Variants in TRAPPC9 observed in about 807,000 individuals in gnomAD.
The protein encoded by TRAPPC9 is IKK2 binding protein.
A neutral mutation model predicts 124.0 loss-of-function variants in TRAPPC9; 83 were observed. That is an observed-to-expected ratio of 0.67 (90% confidence interval 0.56 to 0.80). The LOEUF (loss-of-function observed/expected upper bound fraction) is 0.80, where lower values mean the gene tolerates loss of function less well. Among genes scored for constraint, TRAPPC9 ranks in the 30% least tolerant of loss-of-function variants. The probability of loss-of-function intolerance (pLI) is 0.00; values close to 1 mark genes in which losing one functional copy is unlikely to be tolerated. For synonymous variants in TRAPPC9, 638 were observed against 617.5 expected, an observed-to-expected ratio of 1.03 and a Z score of -0.49; for missense variants, 1,302 against 1,508.3, an observed-to-expected ratio of 0.86 and a Z score of 2.27.
chr8:139,792,303 C>T (rs1226443745), intron 21 of TRAPPC9, among the ~76,000 whole-genome samples: 1 of 152,128 alleles, frequency 6.6e-6, no homozygotes, highest in African/African-American at 2.4e-5. Flanking sequence ...AAGTGGCATG[C>T]TGAGGGTGGA....
rs776226146 is a variant in TRAPPC9 at position 139,731,031 on chromosome 8, C to T, written c.*30G>A. On this transcript the variant is annotated 3_prime_UTR_variant, in exon 23 of 23. Coordinates refer to ENST00000438773, the MANE Select transcript of TRAPPC9 (RefSeq NM_001160372.4). ...AGGCCAGGCAGGGTCACCTCTGGCC[C>T]TGCAGAAAGAGGGACGGAAGTAGGC... The T allele has an allele frequency of 6.2e-7, 1 of 1,609,826 alleles. No individual in the cohort carries two copies. The highest frequency in any genetic ancestry group is 1.1e-5 in the South Asian group (1 of 90,842).
chr8:140,436,029 ATT>A (rs1210679186), intron 3 of TRAPPC9, among the ~76,000 whole-genome samples: 1 of 152,210 alleles, frequency 6.6e-6, no homozygotes, highest in Non-Finnish European at 1.5e-5. Context: ...TGAGAAAAGG[ATT>A]TAAGTATTTA....
rs199709598 is a variant in TRAPPC9, at chr8:140,027,722, TG to T, written c.2557-3644del. Among the ~76,000 whole-genome samples, 26 of 152,304 alleles carry T rather than the reference TG, an allele frequency of 1.7e-4. No homozygotes were observed. In the East Asian group the frequency reaches 5.0e-3, roughly 29 times the overall value. On this transcript the variant is annotated intron_variant, in intron 17 of 22. Coordinates refer to ENST00000438773, the MANE Select transcript of TRAPPC9 (RefSeq NM_001160372.4). ...AATTTATAAAGAAAAGAGGTTTAAT[TG>T]ACTCACAGTTCCACACAGCTGGGTA...
At chr8:139,895,247 G>A (rs539641703) in intron 20 of TRAPPC9, among the ~76,000 whole-genome samples, 14 of 152,352 alleles carry the variant, frequency 9.2e-5, no homozygotes, top group Non-Finnish European at 1.8e-4. Context: ...ACACAGGCAT[G>A]CTCCCGCTTT....
At chr8:140,355,557 C>T (rs990860874) in intron 9 of TRAPPC9, among the ~76,000 whole-genome samples, 1 of 152,046 alleles carries the variant, frequency 6.6e-6, no homozygotes, top group Admixed American at 6.6e-5. Flanking sequence ...TCTGGTAGAC[C>T]TTAAAAAGAG....
At chr8:140,043,573 T>C (rs1281892084) in intron 17 of TRAPPC9, among the ~76,000 whole-genome samples, 1 of 152,134 alleles carries the variant, frequency 6.6e-6, no homozygotes, top group Non-Finnish European at 1.5e-5. Flanking sequence ...GTCATAACTC[T>C]TGAGATCCAT....
At chr8:139,973,024 G>A (rs1428854405) in intron 19 of TRAPPC9, among the ~76,000 whole-genome samples, 1 of 152,224 alleles carries the variant, frequency 6.6e-6, no homozygotes, top group Admixed American at 6.5e-5. Flanking sequence ...CCATGGACTA[G>A]GGGGAGGAGG....
chr8:139,944,084 A>G (rs374283846), intron 19 of TRAPPC9, among the ~76,000 whole-genome samples: 17 of 152,234 alleles, frequency 1.1e-4, no homozygotes, highest in African/African-American at 4.1e-4. Flanking sequence ...AAGCAGAATA[A>G]GGGAAAGGAA....
chr8:140,327,712 T>TCA (rs1451634863), intron 9 of TRAPPC9, among the ~76,000 whole-genome samples: 6 of 152,148 alleles, frequency 3.9e-5, no homozygotes, highest in African/African-American at 1.4e-4. Context: ...ATAGGCAAAT[T>TCA]CATCAAGAGG....
chr8:140,295,607 G>A (rs2065783068), intron 11 of TRAPPC9, among the ~76,000 whole-genome samples: 1 of 152,228 alleles, frequency 6.6e-6, no homozygotes, highest in Admixed American at 6.5e-5. Context: ...TAGCTCAGAT[G>A]ATGGCCACAC....
intron 21 of TRAPPC9, among the ~76,000 whole-genome samples, chr8:139,884,056 G>A (rs1829850148): frequency 6.6e-6 from 1 of 152,138 alleles, no homozygotes; most frequent in South Asian, 2.1e-4. Flanking sequence ...CTCCCATGGC[G>A]ACCTCACACA....
intron 21 of TRAPPC9, among the ~76,000 whole-genome samples, chr8:139,880,493 G>A (rs1465946996): frequency 6.6e-6 from 1 of 152,138 alleles, no homozygotes; most frequent in African/African-American, 2.4e-5. Flanking sequence ...TAAGGTTTAA[G>A]GACTTGACCC....
intron 17 of TRAPPC9, among the ~76,000 whole-genome samples, chr8:140,200,365 A>T (rs2062759570): frequency 6.6e-6 from 1 of 152,142 alleles, no homozygotes; most frequent in African/African-American, 2.4e-5. Flanking sequence ...CTCAGTTCCC[A>T]TCCTCCCAGC....
intron 2 of TRAPPC9, among the ~76,000 whole-genome samples, chr8:140,450,356 G>A (rs2071413687): frequency 1.3e-5 from 2 of 151,972 alleles, no homozygotes. Flanking sequence ...GTAAGACTCT[G>A]TCTCAAAAAA....
At position 139,907,913 on chromosome 8, in the gene TRAPPC9, G is replaced by A. The variant is rs1043646316; in HGVS notation, c.2964+2234C>T. On this transcript the variant is annotated intron_variant, in intron 20 of 22. Transcript: ENST00000438773. This position sits in a 1 kb window ranked among gnomAD's most constrained non-coding sequence, Gnocchi z 4.7. ...GCTACGGGGTGCAGGAACTGGCCACGCCACTTTCTCTTTGTGAAGTGGAGT... is the reference window on the plus strand; with the variant it reads ...GCTACGGGGTGCAGGAACTGGCCACACCACTTTCTCTTTGTGAAGTGGAGT... 5.3e-5 allele frequency among the ~76,000 whole-genome samples: 8 copies of A among 152,186 alleles called. No homozygotes were observed. The highest frequency in any genetic ancestry group is 2.1e-4 in the South Asian group (1 of 4,830).
intron 19 of TRAPPC9, 105 bp from the exon 20 acceptor site, chr8:139,910,405 T>C (rs1001210603): frequency 3.5e-6 from 4 of 1,152,694 alleles, no homozygotes. Flanking sequence ...AATGAATCAT[T>C]ATCGTTAGTA....
chr8:140,393,882 T>C (rs905497859), intron 7 of TRAPPC9, among the ~76,000 whole-genome samples: 2 of 152,170 alleles, frequency 1.3e-5, no homozygotes, highest in African/African-American at 4.8e-5. Flanking sequence ...CAAACAAACA[T>C]GGAGATGAGT....
chr8:140,013,843 T>C (rs189902896), intron 18 of TRAPPC9, among the ~76,000 whole-genome samples: 1 of 152,042 alleles, frequency 6.6e-6, no homozygotes, highest in African/African-American at 2.4e-5. Context: ...CAGTGTTATC[T>C]CCTTTTCAAG....
At chr8:140,364,265 C>G (rs2068039595) in intron 8 of TRAPPC9, among the ~76,000 whole-genome samples, 2 of 145,624 alleles carry the variant, frequency 1.4e-5, no homozygotes, top group South Asian at 2.2e-4. Context: ...TACCCTGAAG[C>G]CAGCCTGGAG....
Sources: allele counts gnomAD v4.1 joint callset (sites outside exome capture counted in the v4.1 genomes callset), GRCh38; gene constraint gnomAD v4.1.1; non-coding constraint Gnocchi (gnomAD v3.1); transcripts MANE v1.5; gene names NCBI Gene and HGNC (gene_info 2026-07-23, HGNC 2026-07-21).